Variants in STS observed in about 807,000 individuals in gnomAD.
STS encodes steryl-sulfatase.
Under a neutral mutation model 26.8 loss-of-function variants are expected in STS, and 7 were observed. The ratio of observed to expected loss-of-function variants is 0.26; its 90% confidence interval spans 0.15 to 0.49. The LOEUF is 0.49. STS is among the 20% of genes least tolerant of loss of function. The pLI is 0.98. For missense variants in STS, 434 were observed against 465.6 expected (o/e 0.93, Z 0.63); for synonymous variants, 199 against 189.4 (o/e 1.05, Z -0.42).
At chrX:7,220,840 G>A (rs1374893935) in intron 2 of STS, among the ~76,000 whole-genome samples, 2 of 111,125 alleles carry the variant, frequency 1.8e-5, no homozygotes, top group African/African-American at 3.3e-5. Flanking sequence ...GAGCCACTGC[G>A]CCTGGCCATC....
chrX:7,293,197 G>A (rs1925500690), intron 7 of STS, among the ~76,000 whole-genome samples: 2 of 111,943 alleles, frequency 1.8e-5, no homozygotes, highest in Non-Finnish European at 3.8e-5. Flanking sequence ...CAGCCTCCTG[G>A]AGTGTGATAG....
chrX:7,182,162 T>C (rs1200019641), intron 1 of STS, among the ~76,000 whole-genome samples: 2 of 111,824 alleles, frequency 1.8e-5, no homozygotes, highest in African/African-American at 3.2e-5. Flanking sequence ...TCCCGCGATA[T>C]TGGCTTTATC....
At chrX:7,213,775 A>C (rs1227513580) in intron 2 of STS, among the ~76,000 whole-genome samples, 1 of 110,938 alleles carries the variant, frequency 9.0e-6, no homozygotes, top group Non-Finnish European at 1.9e-5. Flanking sequence ...ATCCCAGCAT[A>C]TCTACTTTAA....
intron 3 of STS, among the ~76,000 whole-genome samples, chrX:7,253,991 A>ATTC (rs1354735070): frequency 8.9e-6 from 1 of 112,358 alleles, no homozygotes; most frequent in African/African-American, 3.2e-5. Flanking sequence ...GTGTCTTCAC[A>ATTC]TGGTGGAAGG....
At chrX:7,323,912 A>G (rs1927210910) in intron 8 of STS, among the ~76,000 whole-genome samples, 1 of 110,372 alleles carries the variant, frequency 9.1e-6, no homozygotes, top group African/African-American at 3.3e-5. Flanking sequence ...TCTCTCTGTG[A>G]TTACACCCCT....
At chrX:7,282,550 T>A (rs1924921926) in intron 7 of STS, among the ~76,000 whole-genome samples, 1 of 112,192 alleles carries the variant, frequency 8.9e-6, no homozygotes, top group Non-Finnish European at 1.9e-5. Context: ...CATTTCGTAT[T>A]TCCTAGATCT....
chrX:7,184,064 C>T (rs1290731427), intron 1 of STS, among the ~76,000 whole-genome samples: 1 of 111,707 alleles, frequency 9.0e-6, no homozygotes, highest in Non-Finnish European at 1.9e-5. Flanking sequence ...AGCAATTCTC[C>T]CACCATGAAC....
At chrX:7,260,113 G>T (rs368568908) in intron 6 of STS, among the ~76,000 whole-genome samples, 43 of 112,191 alleles carry the variant, frequency 3.8e-4, no homozygotes, top group African/African-American at 1.4e-3. Context: ...TTGACCTCGT[G>T]ATCCGCCCGC....
chrX:7,218,925 A>C (rs1921423778), intron 2 of STS, among the ~76,000 whole-genome samples: 1 of 111,187 alleles, frequency 9.0e-6, no homozygotes, highest in Admixed American at 9.6e-5. Flanking sequence ...TGTTGTGGTT[A>C]TAAGATCAAC....
chrX:7,184,292 T>G (rs1601635434), intron 1 of STS, among the ~76,000 whole-genome samples: 1 of 112,650 alleles, frequency 8.9e-6, no homozygotes, highest in East Asian at 2.8e-4. Context: ...CAATGCCATT[T>G]TATAGTTAGG....
chrX:7,232,081 G>GCATAGGGTCCTATTAGGGTGCTATGA, intron 2 of STS, among the ~76,000 whole-genome samples: 1 of 111,682 alleles, frequency 9.0e-6, no homozygotes, highest in Non-Finnish European at 1.9e-5. Flanking sequence ...GGGTGCTATG[G>GCATAGGGTCCTATTAGGGTGCTATGA]CATAGGGTCC....
At chrX:7,263,181 G>A (rs180746173) in intron 6 of STS, among the ~76,000 whole-genome samples, 137 of 111,436 alleles carry the variant, frequency 1.2e-3, no homozygotes, top group African/African-American at 4.3e-3. Context: ...TGATTCTCCT[G>A]CCTCAGCCTC....
Position 7,253,274 on chromosome X carries a change from C to T in STS, c.75C>T (p.Ile25=), listed in dbSNP as rs1328821202. The part of the protein sequence containing the change: ...ESHAASRPNI[I]LVMADDLGIG... ...ACGCAGCATCAAGGCCGAACATCAT[C>T]CTGGTGATGGCTGACGACCTCGGCA... Residue 25 remains isoleucine, a synonymous_variant, in exon 3 of 11, where the codon ATC becomes ATT. Coordinates refer to ENST00000674429, the MANE Select transcript of STS (RefSeq NM_001320752.2). The T allele has an allele frequency of 5.0e-6, 6 of 1,209,786 alleles. No homozygotes were observed. The highest frequency in any genetic ancestry group is 6.7e-6 in the Non-Finnish European group (6 of 895,120).
At chrX:7,296,491 G>T (rs1057041340) in intron 7 of STS, among the ~76,000 whole-genome samples, 1 of 111,948 alleles carries the variant, frequency 8.9e-6, no homozygotes, top group African/African-American at 3.2e-5. Context: ...TTGTGATGTC[G>T]ATAACCCTAT....
intron 7 of STS, among the ~76,000 whole-genome samples, chrX:7,292,485 A>G (rs1395397563): frequency 8.9e-6 from 1 of 112,273 alleles, no homozygotes; most frequent in African/African-American, 3.2e-5. Context: ...ATACATCCAC[A>G]TTCATATGGA....
intron 7 of STS, among the ~76,000 whole-genome samples, chrX:7,301,834 C>CTGAATTTCAGATTCA (rs1925979809): frequency 8.9e-6 from 1 of 111,974 alleles, no homozygotes; most frequent in Non-Finnish European, 1.9e-5. Flanking sequence ...CAGATTGACT[C>CTGAATTTCAGATTCA]CTTTCACTTA....
chrX:7,290,050 T>C (rs1410430544), intron 7 of STS, among the ~76,000 whole-genome samples: 1 of 112,183 alleles, frequency 8.9e-6, no homozygotes, highest in Non-Finnish European at 1.9e-5. Flanking sequence ...AAACCAGTGC[T>C]CAAGCTGTTT....
chrX:7,275,820 A>G, intron 6 of STS, 131 bp from the exon 7 acceptor site: 1 of 793,330 alleles, frequency 1.3e-6, no homozygotes, highest in Non-Finnish European at 1.8e-6. Context: ...TAGGCAATTA[A>G]CTTGTAATAT....
chrX:7,322,573 G>A (rs1157132310), intron 8 of STS, among the ~76,000 whole-genome samples: 1 of 111,799 alleles, frequency 8.9e-6, no homozygotes, highest in East Asian at 2.8e-4. Context: ...GCTAATTTTT[G>A]TATTTTTAGT....
Sources: allele counts gnomAD v4.1 joint callset (sites outside exome capture counted in the v4.1 genomes callset), GRCh38; gene constraint gnomAD v4.1.1; transcripts MANE v1.5; gene names NCBI Gene and HGNC (gene_info 2026-07-23, HGNC 2026-07-21).